Variants in SETD2 observed in about 807,000 individuals in gnomAD.
The protein encoded by SETD2 is histone-lysine N-methyltransferase SETD2.
In SETD2, 31 loss-of-function variants were observed where a neutral mutation model predicts 242.1. The observed-to-expected ratio is 0.13, with a 90% CI of 0.10 to 0.17. The LOEUF (loss-of-function observed/expected upper bound fraction) is 0.17. Among genes scored for constraint, SETD2 ranks in the 10% least tolerant of loss-of-function variants. The pLI is 1.00. For synonymous variants in SETD2, 1,006 were observed against 1,066.5 expected, an observed-to-expected ratio of 0.94 and a Z score of 1.11; for missense variants, 2,481 against 3,046.3, an observed-to-expected ratio of 0.81 and a Z score of 4.37.
At chr3:47,109,576 A>G (rs2042571052) in intron 5 of SETD2, among the ~76,000 whole-genome samples, 1 of 152,150 alleles carries the variant, frequency 6.6e-6, no homozygotes, top group African/African-American at 2.4e-5. Flanking sequence ...TGAGCCCAGG[A>G]GGTTGAGGCA....
At chr3:47,115,475 CA>C (rs752377008) in intron 4 of SETD2, among the ~76,000 whole-genome samples, 27 of 151,974 alleles carry the variant, frequency 1.8e-4, no homozygotes, top group Non-Finnish European at 2.9e-4. Context: ...AAAAGAATAC[CA>C]AAAATCCTTT....
Position 47,108,825 on chromosome 3 carries a change from C to A in SETD2, c.4716-2705G>T, listed in dbSNP as rs144450412. ...AACTAAATGAGGCCAGTGTAAAAGT[C>A]TATCATGCAGTCCTTAAAACTCTAA... On this transcript the variant is annotated intron_variant, in intron 5 of 20. Coordinates refer to ENST00000409792, the MANE Select transcript of SETD2 (RefSeq NM_014159.7). 7.2e-5 allele frequency among the ~76,000 whole-genome samples: 11 copies of A among 152,228 alleles called. 1 individual carries two copies. The highest frequency in any genetic ancestry group is 3.3e-4 in the Admixed American group (5 of 15,282).
At chr3:47,063,184 C>G (rs1239567381) in intron 13 of SETD2, among the ~76,000 whole-genome samples, 1 of 152,130 alleles carries the variant, frequency 6.6e-6, no homozygotes, top group Non-Finnish European at 1.5e-5. Flanking sequence ...AAAAAATCCA[C>G]TGTATGTGTG....
At chr3:47,027,065 T>C (rs956911367) in intron 18 of SETD2, among the ~76,000 whole-genome samples, 9 of 151,988 alleles carry the variant, frequency 5.9e-5, no homozygotes, top group Admixed American at 2.0e-4. Flanking sequence ...AGAAAATGGA[T>C]TGGCTCATGC....
Position 47,121,726 on chromosome 3 carries a change from C to T in SETD2, c.2910G>A (p.Leu970=), listed in dbSNP as rs2106659057. ...QEAQEEGNSI[L]PERRGRPEIS... is the part of the protein sequence containing the mutation. ...TTTCTGGTCTTCCTCTTCTTTCAGG[C>T]AATATGGAATTCCCTTCTTCTTGAG... Residue 970 remains leucine, a synonymous_variant, in exon 3 of 21, where the codon TTG becomes TTA. Transcript: ENST00000409792. 6.2e-7 allele frequency: 1 copy of T among 1,614,104 alleles called. No homozygotes were observed. The highest frequency in any genetic ancestry group is 8.5e-7 in the Non-Finnish European group (1 of 1,180,008).
At position 47,044,259 on chromosome 3, in the gene SETD2, C is replaced by T. The variant is rs1437717012; in HGVS notation, c.7099-1559G>A. ...TCAGGAGGCTGAGGCAGGAGAACTG[C>T]TTGAACCTGGGAGGCGGAGGTTGCA... On this transcript the variant is annotated intron_variant, in intron 16 of 20. Transcript: ENST00000409792. 2.8e-5 allele frequency among the ~76,000 whole-genome samples: 4 copies of T among 141,408 alleles called. No individual in the cohort carries two copies. The East Asian group carries it at 9.0e-4, about 32-fold the overall frequency. 92.8% of individuals were successfully genotyped at this position (141,408 alleles called of 152,430 possible). A position where few individuals can be genotyped will look rare whatever the true frequency, so the allele number is the denominator to read the frequency against.
rs1379166588 is a variant in SETD2 at position 47,084,088 on chromosome 3, T to C, written c.5692A>G (p.Ser1898Gly). Reference protein sequence around the residue: ...SMDSAISDATSELEGKDGKED... With the variant: ...SMDSAISDATGELEGKDGKED... ...TTGCCATCCTTGCCTTCTAGCTCAC[T>C]GGTTGCATCAGAGATTGCACTGTCC... The change falls in exon 12 of 21, where the codon AGT becomes GGT. Residue 1898 changes from serine (S) to glycine (G), a missense_variant. Transcript: ENST00000409792. 6.2e-7 allele frequency: 1 copy of C among 1,614,110 alleles called. No individual in the cohort carries two copies. Among genetic ancestry groups the C allele is most frequent in the Non-Finnish European group, 8.5e-7 (1 of 1,180,032 alleles).
intron 1 of SETD2, among the ~76,000 whole-genome samples, chr3:47,158,458 C>T (rs2044175179): frequency 6.6e-6 from 1 of 152,206 alleles, no homozygotes; most frequent in Admixed American, 6.5e-5. Flanking sequence ...CCCTCCTCTT[C>T]TTCCTCCTCA....
In SETD2 at chr3:47,121,307, C is replaced by A. The variant is rs2106645639; in HGVS notation, c.3329G>T (p.Arg1110Ile). Residue 1110 changes from arginine to isoleucine, a missense_variant, in exon 3 of 21, where the codon AGA becomes ATA. By Grantham distance (97) the Arg-to-Ile change is moderately conservative. Transcript: ENST00000409792. ...TTCAAATTTTTCCTCATACAAATGT[C>A]TCCTTGACTCCAATCTCTCATCTTC... Reference protein sequence around the residue: ...HWEDERLESRRHLYEEKFESI... With the variant: ...HWEDERLESRIHLYEEKFESI... 6.2e-7 allele frequency: 1 copy of A among 1,612,320 alleles called. No individual in the cohort carries two copies. Among genetic ancestry groups the A allele is most frequent in the Non-Finnish European group, 8.5e-7 (1 of 1,179,972 alleles).
intron 1 of SETD2, among the ~76,000 whole-genome samples, chr3:47,148,110 TTTGTTGTTGTTGTTG>T (rs144690368): frequency 2.7e-5 from 4 of 148,898 alleles, no homozygotes; most frequent in South Asian, 4.3e-4. Flanking sequence ...TTGGTTGTGT[TTTGTTGTTGTTGTTG>T]TTGTTGTTGT....
rs76496241 is a variant in SETD2, at chr3:47,164,012, CGCGGCGGCG to C, written c.-97_-89del. ...GAGGGGAGGAGGCCGCAGGTCCGAC[CGCGGCGGCG>C]GCGGCGGCGGCGGCGGCGGCGGCAG... On this transcript the variant is annotated 5_prime_UTR_variant, in exon 1 of 21. Transcript: ENST00000409792. The surrounding 1 kb of genome is among the most constrained non-coding windows in gnomAD (Gnocchi z 5.4). 0.59 allele frequency: 698,712 copies of C among 1,184,368 alleles called. 198,183 individuals are homozygous for C. The highest frequency in any genetic ancestry group is 0.73 in the African/African-American group (45,484 of 61,952). 73.4% of individuals were successfully genotyped at this position (1,184,368 alleles called of 1,614,324 possible).
intron 1 of SETD2, among the ~76,000 whole-genome samples, chr3:47,137,570 C>G (rs1484929532): frequency 6.6e-6 from 1 of 152,152 alleles, no homozygotes; most frequent in African/African-American, 2.4e-5. Context: ...TTTCCTCCCA[C>G]TAGCATACAA....
chr3:47,137,952 G>C (rs965259304), intron 1 of SETD2, among the ~76,000 whole-genome samples: 3 of 151,332 alleles, frequency 2.0e-5, no homozygotes, highest in Non-Finnish European at 4.4e-5. Flanking sequence ...GTGTCCCAAA[G>C]TACTGGGATT....
intron 1 of SETD2, among the ~76,000 whole-genome samples, chr3:47,162,093 C>G (rs966924347): frequency 2.6e-5 from 4 of 152,138 alleles, no homozygotes; most frequent in African/African-American, 9.7e-5. Context: ...ACTTCTGAGT[C>G]CATTTTCCCA....
Position 47,056,944 on chromosome 3 carries a change from G to A in SETD2, c.6840C>T (p.Val2280=), listed in dbSNP as rs745791498. ...CAGGAGAGTACTGCTGCTGTACACT[G>A]ACAGACTGTTGGTTTGAATCCCAAA... ...YSVWDSNQQS[V]SVQQQYSPAQ... is the part of the protein sequence containing the mutation. The change falls in exon 15 of 21, where the codon GTC becomes GTT. Residue 2280 remains valine (V), a synonymous_variant. Coordinates refer to ENST00000409792, the MANE Select transcript of SETD2 (RefSeq NM_014159.7). 5.6e-6 allele frequency: 9 copies of A among 1,614,106 alleles called. No homozygotes were observed. The highest frequency in any genetic ancestry group is 5.3e-5 in the African/African-American group (4 of 74,946).
chr3:47,149,707 C>T (rs1401393795), intron 1 of SETD2, among the ~76,000 whole-genome samples: 1 of 152,218 alleles, frequency 6.6e-6, no homozygotes, highest in Non-Finnish European at 1.5e-5. Context: ...TGCCATAGCA[C>T]ATTGTGCTTA....
chr3:47,096,682 GGCT>G (rs1272852727), intron 9 of SETD2, among the ~76,000 whole-genome samples: 1 of 152,004 alleles, frequency 6.6e-6, no homozygotes, highest in Admixed American at 6.6e-5. Context: ...AGGAGTTCAA[GGCT>G]GCAGTGAGCT....
chr3:47,144,515 T>C (rs1279597893), intron 1 of SETD2, among the ~76,000 whole-genome samples: 2 of 152,092 alleles, frequency 1.3e-5, no homozygotes, highest in Non-Finnish European at 2.9e-5. Flanking sequence ...TGCATGCCTA[T>C]AGTCCCAGTC....
intron 5 of SETD2, among the ~76,000 whole-genome samples, chr3:47,111,204 T>G (rs2042638165): frequency 6.7e-6 from 1 of 150,364 alleles, no homozygotes; most frequent in East Asian, 2.0e-4. Context: ...GGAAATTCAA[T>G]GGGCTGCTTT....
Sources: allele counts gnomAD v4.1 joint callset (sites outside exome capture counted in the v4.1 genomes callset), GRCh38; gene constraint gnomAD v4.1.1; non-coding constraint Gnocchi (gnomAD v3.1); transcripts MANE v1.5; gene names NCBI Gene and HGNC (gene_info 2026-07-23, HGNC 2026-07-21).